The following CNIH3 variants were observed in gnomAD, a reference collection of about 807,000 sequenced individuals.
The protein encoded by CNIH3 is cornichon family AMPA receptor auxiliary protein 3, also known as protein cornichon homolog 3.
In CNIH3, 14 loss-of-function variants were observed where a neutral mutation model predicts 24.1. The ratio of observed to expected loss-of-function variants is 0.58; its 90% CI spans 0.38 to 0.91. CNIH3 has a LOEUF of 0.91. Ranked by LOEUF, CNIH3 falls within the 40% of genes least tolerant of loss-of-function variation. The pLI is 0.00. For missense variants in CNIH3, 178 were observed against 196.8 expected (o/e 0.90, Z 0.57); for synonymous variants, 68 against 73.8 (o/e 0.92, Z 0.40).
intron 1 of CNIH3, among the ~76,000 whole-genome samples, chr1:224,439,084 C>T (rs10916616): frequency 0.28 from 43,194 of 151,982 alleles, 7,647 homozygotes; most frequent in African/African-American, 0.49. Flanking sequence ...ACTCTGAACA[C>T]GGCTTCATAT....
At position 224,705,596 on chromosome 1, in the gene CNIH3, C is replaced by T. The variant is rs190828551; in HGVS notation, c.198+20753C>T. Reference sequence around the variant, plus strand: ...GTGCTGGATGTTCAAGGTATTGAACCTGTGATAGGAATTGCTTGAGCAACC... The same window carrying T: ...GTGCTGGATGTTCAAGGTATTGAACTTGTGATAGGAATTGCTTGAGCAACC... On this transcript the variant is annotated intron_variant, in intron 3 of 5. Coordinates refer to ENST00000272133, the MANE Select transcript of CNIH3 (RefSeq NM_152495.2). Among the ~76,000 whole-genome samples the T allele has an allele frequency of 1.8e-4, 27 of 152,318 alleles. No homozygotes were observed. The East Asian group carries it at 5.0e-3, about 28-fold the overall frequency.
At position 224,657,672 on chromosome 1, in the gene CNIH3, C is replaced by T. The variant is rs543150011; in HGVS notation, c.82-23286C>T. 5.9e-5 allele frequency among the ~76,000 whole-genome samples: 9 copies of T among 152,308 alleles called. No individual in the cohort carries two copies. The East Asian group carries it at 7.7e-4, about 13-fold the overall frequency. ...CGTCATGAACACATCAGCCCTCCAA[C>T]GAGAGTCCTGGACGTTTCCTCTCTA... On this transcript the variant is annotated intron_variant, in intron 1 of 5. Transcript: ENST00000272133.
chr1:224,730,527 G>T lies in CNIH3; in HGVS notation c.264G>T (p.Trp88Cys). ...FCIMFLCAQE[W>C]LTLGLNVPLL... The stretch of plus-strand genomic sequence containing the variant: ...TTATGTTCCTGTGTGCGCAAGAGTG[G>T]CTCACGCTGGGGCTGAATGTCCCTC... Residue 88 changes from tryptophan to cysteine, a missense_variant, in exon 4 of 6, where the codon TGG becomes TGT. Coordinates refer to ENST00000272133, the MANE Select transcript of CNIH3 (RefSeq NM_152495.2). 1 of 1,561,056 alleles carries T rather than the reference G, an allele frequency of 6.4e-7. No homozygotes were observed. The highest frequency in any genetic ancestry group is 1.4e-5 in the African/African-American group (1 of 74,062).
chr1:224,473,937 A>G (rs1323657710), intron 1 of CNIH3, among the ~76,000 whole-genome samples: 1 of 152,226 alleles, frequency 6.6e-6, no homozygotes, highest in Non-Finnish European at 1.5e-5. Flanking sequence ...TGGAAATAAT[A>G]TCAAATATCT....
At chr1:224,453,765 G>C (rs1350970787) in intron 1 of CNIH3, among the ~76,000 whole-genome samples, 1 of 151,990 alleles carries the variant, frequency 6.6e-6, no homozygotes, top group East Asian at 1.9e-4. Context: ...TTCTGCCTCA[G>C]CCTCCTTCAT....
intron 4 of CNIH3, among the ~76,000 whole-genome samples, chr1:224,571,107 T>A (rs764310475): frequency 1.1e-4 from 17 of 152,254 alleles, no homozygotes; most frequent in Non-Finnish European, 2.4e-4. Flanking sequence ...TGATACTTGA[T>A]AGGGCAAGGC....
At chr1:224,539,569 C>T (rs1418071198), downstream of CNIH3, among the ~76,000 whole-genome samples, 1 of 152,226 alleles carries the variant, frequency 6.6e-6, no homozygotes, top group African/African-American at 2.4e-5. Flanking sequence ...CAGTTCCAGG[C>T]TGGGACTTTA....
chr1:224,560,678 C>T (rs1222205402), intron 3 of CNIH3, among the ~76,000 whole-genome samples: 4 of 151,872 alleles, frequency 2.6e-5, no homozygotes, highest in Non-Finnish European at 4.4e-5. Context: ...TGTCTCCCAT[C>T]ACCCCCAGAT....
chr1:224,508,077 A>G (rs1487813653), intron 1 of CNIH3, among the ~76,000 whole-genome samples: 3 of 152,170 alleles, frequency 2.0e-5, no homozygotes, highest in Non-Finnish European at 4.4e-5. Context: ...TGAGACTGCT[A>G]TTTTCTGGTA....
chr1:224,577,038 T>A (rs996416685), intron 4 of CNIH3, among the ~76,000 whole-genome samples: 1 of 152,160 alleles, frequency 6.6e-6, no homozygotes, highest in Non-Finnish European at 1.5e-5. Context: ...TGGCTCCTCA[T>A]CTCTTACCTT....
intron 4 of CNIH3, among the ~76,000 whole-genome samples, chr1:224,582,086 G>A (rs567264265): frequency 2.0e-5 from 3 of 152,294 alleles, no homozygotes; most frequent in East Asian, 3.9e-4. Flanking sequence ...GGCTGTGGAA[G>A]CTGGTTCCTC....
At chr1:224,702,680 A>G (rs1484362337) in intron 3 of CNIH3, among the ~76,000 whole-genome samples, 2 of 152,174 alleles carry the variant, frequency 1.3e-5, no homozygotes, top group African/African-American at 4.8e-5. Context: ...AAGGATCCAG[A>G]TGCAGGACCC....
Position 224,704,667 on chromosome 1 carries a change from A to G in CNIH3, c.198+19824A>G, listed in dbSNP as rs1687683459. On this transcript the variant is annotated intron_variant, in intron 3 of 5. Coordinates refer to ENST00000272133, the MANE Select transcript of CNIH3 (RefSeq NM_152495.2). This position sits in a 1 kb window ranked among gnomAD's most constrained non-coding sequence, Gnocchi z 4.2. ...ACATCATGGATCTGCATCCCCAAAT[A>G]CATCCTCCGACATAACCACAATACC... Among the ~76,000 whole-genome samples the G allele has an allele frequency of 6.6e-6, 1 of 152,096 alleles. No individual in the cohort carries two copies. The highest frequency in any genetic ancestry group is 1.5e-5 in the Non-Finnish European group (1 of 68,032).
intron 2 of CNIH3, among the ~76,000 whole-genome samples, chr1:224,522,456 T>C (rs1469224964): frequency 6.6e-6 from 1 of 152,206 alleles, no homozygotes; most frequent in African/African-American, 2.4e-5. Flanking sequence ...TCAAAAGTTG[T>C]CACTGCAGAG....
At chr1:224,626,895 CTCA>C (rs1683561718) in intron 1 of CNIH3, among the ~76,000 whole-genome samples, 1 of 152,212 alleles carries the variant, frequency 6.6e-6, no homozygotes, top group African/African-American at 2.4e-5. Context: ...GAGCCTGGGT[CTCA>C]TCATCAGCAA....
intron 3 of CNIH3, among the ~76,000 whole-genome samples, chr1:224,606,499 C>T (rs760682384): frequency 2.0e-5 from 3 of 152,134 alleles, no homozygotes; most frequent in Non-Finnish European, 4.4e-5. Flanking sequence ...TCTTGACGTT[C>T]AGTCACTTCT....
rs758489061 is a variant in CNIH3, at chr1:224,701,197, C to CT, written c.198+16369dup. 1.7e-3 allele frequency among the ~76,000 whole-genome samples: 227 copies of CT among 133,490 alleles called. 1 individual carries two copies. The highest frequency in any genetic ancestry group is 3.6e-3 in the African/African-American group (130 of 36,542). The allele number at this position is 133,490 out of a possible 152,430, so 87.6% of individuals were successfully genotyped here. On this transcript the variant is annotated intron_variant, in intron 3 of 5. Coordinates refer to ENST00000272133, the MANE Select transcript of CNIH3 (RefSeq NM_152495.2). ...AGAGAGTGGAAGGGGGGCTCGGGTT[C>CT]TTTTTTTTTTTTTTTGCTGGAGGAG...
chr1:224,630,481 AG>A (rs1252063750), intron 1 of CNIH3, among the ~76,000 whole-genome samples: 3 of 152,140 alleles, frequency 2.0e-5, no homozygotes, highest in Non-Finnish European at 4.4e-5. Flanking sequence ...ATTTGTAAAA[AG>A]GTAGTTTCTC....
At chr1:224,630,433 C>T (rs1683762106) in intron 1 of CNIH3, among the ~76,000 whole-genome samples, 1 of 152,000 alleles carries the variant, frequency 6.6e-6, no homozygotes, top group South Asian at 2.1e-4. Context: ...TGTTTTTCAG[C>T]TGCCTTGAGT....
Sources: gnomAD v4.1 joint callset for allele counts (sites outside exome capture counted in the v4.1 genomes callset) on GRCh38, gnomAD v4.1.1 for gene constraint, Gnocchi (gnomAD v3.1) non-coding constraint, MANE v1.5 for transcripts, NCBI Gene and HGNC (gene_info 2026-07-23, HGNC 2026-07-21) for gene names.